Variants in TMEM184A observed in about 807,000 individuals in gnomAD.
The protein encoded by TMEM184A is sexually dimorphic, expressed in male gonads 1.
In TMEM184A, 40 loss-of-function variants were observed where a neutral mutation model predicts 39.5. The ratio of observed to expected loss-of-function variants is 1.01; its 90% confidence interval spans 0.79 to 1.32. The LOEUF (loss-of-function observed/expected upper bound fraction) is 1.32. Among genes scored for constraint, TMEM184A ranks in the 40% most tolerant of loss-of-function variants. The pLI is 0.00. For synonymous variants in TMEM184A, 280 were observed against 252.3 expected, an observed-to-expected ratio of 1.11 and a Z score of -1.04; for missense variants, 603 against 568.8, an observed-to-expected ratio of 1.06 and a Z score of -0.61.
At position 1,550,802 on chromosome 7, in the gene TMEM184A, C is replaced by T. The variant is rs377713605; in HGVS notation, c.385+15G>A. On this transcript the variant is annotated intron_variant, in intron 3 of 8. Coordinates refer to ENST00000297477, the MANE Select transcript of TMEM184A (RefSeq NM_001097620.2). ...CTCCCTCCGCTCCCCCGACCTGACG[C>T]AGCCTGGCGCCCACCTTCGTAGCAG... 390 of 1,611,354 alleles carry T rather than the reference C, an allele frequency of 2.4e-4. No individual in the cohort carries two copies. Among genetic ancestry groups the T allele is most frequent in the South Asian group, 1.4e-3 (128 of 91,050 alleles).
Position 1,548,673 on chromosome 7 carries a change from G to A in TMEM184A, c.660C>T (p.Tyr220=), listed in dbSNP as rs765521851. ...CGTTGTAGATGAGGGTCACATAGAG[G>A]TAGCCGCTGCGGACACTAGGACAGA... ...HDGDFNVRSG[Y]LYVTLIYNAS... Residue 220 remains tyrosine (Y), a synonymous_variant, in exon 7 of 9, where the codon TAC becomes TAT. Coordinates refer to ENST00000297477, the MANE Select transcript of TMEM184A (RefSeq NM_001097620.2). 24 of 1,613,564 alleles carry A rather than the reference G, an allele frequency of 1.5e-5. No homozygotes were observed. In the South Asian group the frequency reaches 2.6e-4, roughly 18 times the overall value.
rs540234690 is a variant in TMEM184A, at chr7:1,548,824, C to T, written c.645-136G>A. On this transcript the variant is annotated intron_variant, in intron 6 of 8. Transcript: ENST00000297477. ...GCATGGGCCCTGCAGGGATCCTGCC[C>T]CGATCTGATCCTCACTCCAGGGCCT... 2,207 of 1,034,408 alleles carry T rather than the reference C, an allele frequency of 2.1e-3. 5 individuals are homozygous for T. Among genetic ancestry groups the T allele is most frequent in the Non-Finnish European group, 3.0e-3 (2,078 of 686,498 alleles). 64.1% of individuals were successfully genotyped at this position (1,034,408 alleles called of 1,614,324 possible).
chr7:1,547,230 T>C (rs3824072), intron 8 of TMEM184A, 49 bp from the exon 9 acceptor site: 651,161 of 1,094,766 alleles, frequency 0.59, 197,082 homozygotes, highest in African/African-American at 0.77. Context: ...GCACTCCAGC[T>C]CCCCGGACAA....
At chr7:1,549,781 T>G (rs10237660) in intron 6 of TMEM184A, 73 bp downstream of exon 6, 847,233 of 1,414,124 alleles carry the variant, frequency 0.6, 255,045 homozygotes, top group African/African-American at 0.73. Context: ...TCCGCCTCGT[T>G]GGGCCCCACT....
At chr7:1,554,734 G>A (rs1434273707) in intron 2 of TMEM184A, among the ~76,000 whole-genome samples, 2 of 152,208 alleles carry the variant, frequency 1.3e-5, no homozygotes, top group Non-Finnish European at 2.9e-5. Context: ...GTCGGGGGCT[G>A]TGTGTGGCTT....
Position 1,544,985 on chromosome 7 carries a change from CG to C in TMEM184A, c.*1966del, listed in dbSNP as rs1047848369. ...CAGCCCCTGACACCTCAGCCTCTGC[CG>C]CCCGGAGCCCAGGCGGTGTCTGGGT... On this transcript the variant is annotated 3_prime_UTR_variant, in exon 9 of 9. Coordinates refer to ENST00000297477, the MANE Select transcript of TMEM184A (RefSeq NM_001097620.2). 1 of 152,284 alleles carries C rather than the reference CG, an allele frequency of 6.6e-6. No individual in the cohort carries two copies. Among genetic ancestry groups the C allele is most frequent in the Non-Finnish European group, 1.5e-5 (1 of 68,084 alleles). The allele number at this position is 152,284 out of a possible 1,614,324, so 9.4% of individuals were successfully genotyped here. A position where few individuals can be genotyped will look rare whatever the true frequency, so the allele number is the denominator to read the frequency against.
rs985665170 is a variant in TMEM184A, at chr7:1,555,826, T to C, written c.-1+288A>G. ...AGTGGGGCAGAAGAGGGGGAACCCC[T>C]GCCGCCCTGCCTGCCCGGGAGGGCT... On this transcript the variant is annotated intron_variant, in intron 1 of 8. Coordinates refer to ENST00000297477, the MANE Select transcript of TMEM184A (RefSeq NM_001097620.2). This position sits in a 1 kb window ranked among gnomAD's most constrained non-coding sequence, Gnocchi z 5.2. 4.7e-5 allele frequency: 16 copies of C among 341,180 alleles called. No individual in the cohort carries two copies. The highest frequency in any genetic ancestry group is 7.1e-5 in the Non-Finnish European group (13 of 183,178). The allele number at this position is 341,180 out of a possible 1,614,324, so 21.1% of individuals were successfully genotyped here. A position where few individuals can be genotyped will look rare whatever the true frequency, so the allele number is the denominator to read the frequency against.
At chr7:1,554,011 C>T (rs549366663) in intron 2 of TMEM184A, among the ~76,000 whole-genome samples, 90 of 152,266 alleles carry the variant, frequency 5.9e-4, no homozygotes, top group African/African-American at 2.0e-3. Context: ...AGCGGAAAGA[C>T]GGCCTCCTCC....
chr7:1,550,239 C>A lies in TMEM184A; in HGVS notation c.477-41G>T, dbSNP rs112595341. On this transcript the variant is annotated intron_variant, in intron 4 of 8. Coordinates refer to ENST00000297477, the MANE Select transcript of TMEM184A (RefSeq NM_001097620.2). ...CTGAGCCGGTGCGGGAGAATGCAGC[C>A]CCGGCGCCGCCGGGCTCCCTGTCCC... 7.4e-5 allele frequency: 118 copies of A among 1,604,676 alleles called. 5 individuals carry two copies. The African/African-American group carries it at 9.2e-4, about 13-fold the overall frequency.
At chr7:1,548,764 G>T in intron 6 of TMEM184A, 76 bp from the exon 7 acceptor site, 1 of 1,521,988 alleles carries the variant, frequency 6.6e-7, no homozygotes, top group Non-Finnish European at 9.0e-7. Flanking sequence ...CACCGCCGCT[G>T]CACCCTCAGC....
Position 1,555,169 on chromosome 7 carries a change from G to T in TMEM184A, c.219+97C>A, listed in dbSNP as rs913540970. ...CCTGGCCGATCCCACTTCTGACAGC[G>T]TCTATAGCAGCGGCACCCAGGGGGA... On this transcript the variant is annotated intron_variant, in intron 2 of 8. Transcript: ENST00000297477. The surrounding 1 kb of genome is among the most constrained non-coding windows in gnomAD (Gnocchi z 5.2). 2 of 1,046,740 alleles carry T rather than the reference G, an allele frequency of 1.9e-6. No individual in the cohort carries two copies. Among genetic ancestry groups the T allele is most frequent in the African/African-American group, 1.6e-5 (1 of 61,960 alleles). 64.8% of individuals were successfully genotyped at this position (1,046,740 alleles called of 1,614,324 possible).
Position 1,550,741 on chromosome 7 carries a change from G to A in TMEM184A, c.385+76C>T, listed in dbSNP as rs1583219779. ...GTGGGGTGCCCTGGGGACTGGCCAT[G>A]GAAGAGTGTGCGTGCACGCAGGCCC... On this transcript the variant is annotated intron_variant, in intron 3 of 8. Coordinates refer to ENST00000297477, the MANE Select transcript of TMEM184A (RefSeq NM_001097620.2). 17 of 1,553,722 alleles carry A rather than the reference G, an allele frequency of 1.1e-5. No homozygotes were observed. In the South Asian group the frequency reaches 1.1e-4, roughly 10 times the overall value.
chr7:1,544,420 G>T lies in TMEM184A; in HGVS notation c.*2532C>A, dbSNP rs529949075. The T allele has an allele frequency of 6.6e-6, 1 of 152,368 alleles. No individual in the cohort carries two copies. The highest frequency in any genetic ancestry group is 2.4e-5 in the African/African-American group (1 of 41,552). 9.4% of individuals were successfully genotyped at this position (152,368 alleles called of 1,614,324 possible). A position where few individuals can be genotyped will look rare whatever the true frequency, so the allele number is the denominator to read the frequency against. ...GCCAGGAGAGGCTAGAGAGCTTGGC[G>T]GGTGCGCTGGGCCCAGATACGCGGC... On this transcript the variant is annotated 3_prime_UTR_variant, in exon 9 of 9. Coordinates refer to ENST00000297477, the MANE Select transcript of TMEM184A (RefSeq NM_001097620.2).
rs773462718 is a variant in TMEM184A at position 1,549,166 on chromosome 7, G to T, written c.645-478C>A. On this transcript the variant is annotated intron_variant, in intron 6 of 8. Coordinates refer to ENST00000297477, the MANE Select transcript of TMEM184A (RefSeq NM_001097620.2). The stretch of plus-strand genomic sequence containing the variant: ...GTGCACATATTGCGTGCATGTGAGT[G>T]TACATACATGTGTGGTGGTGTGTGC... The T allele has an allele frequency of 1.6e-4, 73 of 459,214 alleles. 1 individual carries two copies. Among genetic ancestry groups the T allele is most frequent in the African/African-American group, 1.4e-3 (68 of 50,324 alleles). The allele number at this position is 459,214 out of a possible 1,614,324, so 28.4% of individuals were successfully genotyped here.
Position 1,549,953 on chromosome 7 carries a change from C to A in TMEM184A, c.553-8G>T. On this transcript the variant is annotated splice_polypyrimidine_tract_variant and splice_region_variant and intron_variant, in intron 5 of 8. Coordinates refer to ENST00000297477, the MANE Select transcript of TMEM184A (RefSeq NM_001097620.2). The stretch of plus-strand genomic sequence containing the variant: ...GCAGAACTGCAGAGTGGCCTGGGGG[C>A]GACGGCACCCGGTGGGCCTGGGGCC... 8 of 1,612,182 alleles carry A rather than the reference C, an allele frequency of 5.0e-6. No individual in the cohort carries two copies. The highest frequency in any genetic ancestry group is 5.1e-6 in the Non-Finnish European group (6 of 1,179,440).
In TMEM184A at chr7:1,547,867, C is replaced by T. The variant is rs1336775282; in HGVS notation, c.887G>A (p.Gly296Glu). 1.9e-6 allele frequency: 3 copies of T among 1,604,144 alleles called. No individual in the cohort carries two copies. Among genetic ancestry groups the T allele is most frequent in the South Asian group, 2.2e-5 (2 of 89,598 alleles). Residue 296 changes from glycine to glutamate, a missense_variant, in exon 8 of 9, where the codon GGG (glycine) becomes GAG (glutamate). Gly to Glu is a moderately conservative substitution (Grantham distance 98). Coordinates refer to ENST00000297477, the MANE Select transcript of TMEM184A (RefSeq NM_001097620.2). ...GTAGCCGGCGGCCAGCGTGCCAGCC[C>T]CCAGCTTGTTCCCGCCGCTGGTCTC... Reference protein sequence around the residue: ...EVETSGGNKLGAGTLAAGYQN... With the variant: ...EVETSGGNKLEAGTLAAGYQN...
intron 6 of TMEM184A, chr7:1,548,950 G>A (rs1290409605): frequency 7.9e-6 from 5 of 633,874 alleles, no homozygotes; most frequent in Admixed American, 2.1e-5. Flanking sequence ...CCTCGTCCCA[G>A]GATCCTGTCC....
intron 5 of TMEM184A, 71 bp downstream of exon 5, chr7:1,550,052 G>C: frequency 6.3e-7 from 1 of 1,583,614 alleles, no homozygotes; most frequent in Non-Finnish European, 8.6e-7. Flanking sequence ...GGGTGGGGTG[G>C]CGCTGGGCCG....
rs1036788916 is a variant in TMEM184A, at chr7:1,555,255, G to A, written c.219+11C>T. On this transcript the variant is annotated intron_variant, in intron 2 of 8. Coordinates refer to ENST00000297477, the MANE Select transcript of TMEM184A (RefSeq NM_001097620.2). This position sits in a 1 kb window ranked among gnomAD's most constrained non-coding sequence, Gnocchi z 5.2. ...AGGTCCTGAAGGAGGCTCGGGGGCG[G>A]AAGGGCTTACCTGGTGGCAGGTGAG... The A allele has an allele frequency of 3.1e-6, 5 of 1,594,186 alleles. No homozygotes were observed. The highest frequency in any genetic ancestry group is 3.4e-6 in the Non-Finnish European group (4 of 1,170,818).
Sources: allele counts gnomAD v4.1 joint callset (sites outside exome capture counted in the v4.1 genomes callset), GRCh38; gene constraint gnomAD v4.1.1; non-coding constraint Gnocchi (gnomAD v3.1); transcripts MANE v1.5; gene names NCBI Gene and HGNC (gene_info 2026-07-23, HGNC 2026-07-21).